Variants in SAGE1 observed in about 807,000 individuals in gnomAD.
The protein encoded by SAGE1 is sarcoma antigen 1.
SAGE1 carries 55 observed loss-of-function variants against 55.4 expected under a neutral mutation model. The observed-to-expected ratio is 0.99, with a 90% CI of 0.80 to 1.24. SAGE1 has a LOEUF of 1.24. Among genes scored for constraint, SAGE1 ranks in the 50% most tolerant of loss-of-function variants. The pLI, the probability that SAGE1 is intolerant of heterozygous loss-of-function variation, is 0.00. For missense variants in SAGE1, 710 were observed against 704.4 expected (o/e 1.01, Z -0.09); for synonymous variants, 240 against 244.3 (o/e 0.98, Z 0.17).
intron 11 of SAGE1, 66 bp from the exon 12 acceptor site, chrX:135,908,411 A>AT (rs1294861081): frequency 9.0e-7 from 1 of 1,113,064 alleles, no homozygotes; most frequent in African/African-American, 1.8e-5. Context: ...CATCAGAGGG[A>AT]TATATACATG....
chrX:135,908,499 C>T lies in SAGE1; in HGVS notation c.1323C>T (p.Val441=). Residue 441 remains valine, a synonymous_variant, in exon 12 of 20, where the codon GTC becomes GTT. Transcript: ENST00000370709. ...RDQYATVNHH[V]HEARMENGQR... is the part of the protein sequence containing the mutation. The stretch of plus-strand genomic sequence containing the variant: ...TAGATGCTACCGTCAATCACCATGT[C>T]CATGAAGCAAGGATGGAAAATGGCC... 2 of 1,206,291 alleles carry T rather than the reference C, an allele frequency of 1.7e-6. No homozygotes were observed. The highest frequency in any genetic ancestry group is 3.6e-5 in the South Asian group (2 of 55,530).
At chrX:135,904,664 G>A in intron 4 of SAGE1, 95 bp downstream of exon 4, 1 of 542,301 alleles carries the variant, frequency 1.8e-6, no homozygotes, top group Non-Finnish European at 3.0e-6. Context: ...CCATAAGCAG[G>A]CATATTTTCA....
intron 7 of SAGE1, 47 bp downstream of exon 7, chrX:135,906,598 A>G (rs782669488): frequency 2.9e-6 from 2 of 698,070 alleles, no homozygotes; most frequent in African/African-American, 2.2e-5. Flanking sequence ...TTCCATATGC[A>G]TGCATAGTGT....
At chrX:135,907,141 G>A in intron 8 of SAGE1, 75 bp downstream of exon 8, 1 of 1,096,407 alleles carries the variant, frequency 9.1e-7, no homozygotes, top group Non-Finnish European at 1.2e-6. Flanking sequence ...GGGAGATGGA[G>A]GTTTTGTTGT....
intron 3 of SAGE1, among the ~76,000 whole-genome samples, chrX:135,903,375 C>T (rs1260953887): frequency 8.9e-6 from 1 of 112,641 alleles, no homozygotes; most frequent in African/African-American, 3.2e-5. Flanking sequence ...CTGCTTGTTT[C>T]ATTTGCTCAT....
chrX:135,901,564 G>T lies in SAGE1; in HGVS notation c.93G>T (p.Met31Ile), dbSNP rs141643764. 5 of 1,205,966 alleles carry T rather than the reference G, an allele frequency of 4.1e-6. No individual in the cohort carries two copies. In the African/African-American group the frequency reaches 8.8e-5, roughly 21 times the overall value. The change falls in exon 3 of 20, where the codon ATG becomes ATT. Residue 31 changes from methionine to isoleucine, a missense_variant. Physicochemically the swap from Met to Ile is conservative, Grantham distance 10. Coordinates refer to ENST00000370709, the MANE Select transcript of SAGE1 (RefSeq NM_001381902.1). ...AYVFTNDGQQ[M>I]RSDEVNLVAT... The stretch of plus-strand genomic sequence containing the variant: ...TGTTCACTGATGTTTTTCAGCAAAT[G>T]AGGAGTGATGAAGTAAATCTGGTTG...
At chrX:135,908,351 G>T in intron 11 of SAGE1, 122 bp downstream of exon 11, 1 of 1,009,355 alleles carries the variant, frequency 9.9e-7, no homozygotes, top group African/African-American at 1.9e-5. Flanking sequence ...GTCTCAGATC[G>T]CTGCCTGGTA....
rs782116354 is a variant in SAGE1, at chrX:135,908,528, G to C, written c.1352G>C (p.Arg451Pro). The C allele has an allele frequency of 1.7e-6, 2 of 1,207,260 alleles. No individual in the cohort carries two copies. The highest frequency in any genetic ancestry group is 3.6e-5 in the South Asian group (2 of 56,123). The part of the protein sequence containing the change: ...VHEARMENGQ[R>P]KQDNVLSNVL... ...GAAGCAAGGATGGAAAATGGCCAACGAAAACAGGATAACGTCTTGTCAAAT... is the reference window on the plus strand; with the variant it reads ...GAAGCAAGGATGGAAAATGGCCAACCAAAACAGGATAACGTCTTGTCAAAT... Residue 451 changes from arginine to proline, a missense_variant, in exon 12 of 20, where the codon CGA (arginine) becomes CCA (proline). Coordinates refer to ENST00000370709, the MANE Select transcript of SAGE1 (RefSeq NM_001381902.1).
chrX:135,904,610 A>AGATCTG (rs782565736), intron 4 of SAGE1, 41 bp downstream of exon 4: 14 of 895,641 alleles, frequency 1.6e-5, no homozygotes, highest in South Asian at 2.1e-5. Flanking sequence ...TGAGTATGAA[A>AGATCTG]TTCATCCATG....
chrX:135,905,442 G>A, intron 5 of SAGE1, 50 bp downstream of exon 5: 1 of 1,110,173 alleles, frequency 9.0e-7, no homozygotes, highest in Non-Finnish European at 1.2e-6. Flanking sequence ...CATAAGCATG[G>A]ATATTTTCAT....
At chrX:135,905,013 G>T (rs2088760062) in intron 4 of SAGE1, among the ~76,000 whole-genome samples, 2 of 111,307 alleles carry the variant, frequency 1.8e-5, no homozygotes, top group Non-Finnish European at 1.9e-5. Flanking sequence ...GTGTGTGTTT[G>T]TTTATTAGTT....
intron 2 of SAGE1, among the ~76,000 whole-genome samples, chrX:135,899,836 T>C (rs1222103339): frequency 2.7e-5 from 3 of 110,736 alleles, no homozygotes; most frequent in East Asian, 5.7e-4. Flanking sequence ...TTTTTGCACA[T>C]GGATTTTGTA....
At chrX:135,900,072 A>C (rs1556595594) in intron 2 of SAGE1, among the ~76,000 whole-genome samples, 1 of 111,041 alleles carries the variant, frequency 9.0e-6, no homozygotes, top group African/African-American at 3.3e-5. Flanking sequence ...GTTTTGTGCC[A>C]GTTTCAAGGG....
At chrX:135,904,711 T>C (rs12014949) in intron 4 of SAGE1, 142 bp downstream of exon 4, 98,069 of 435,385 alleles carry the variant, frequency 0.23, 8,621 homozygotes, top group Non-Finnish European at 0.25. Context: ...ATATTCTTTC[T>C]TAGCCTCAAT....
intron 11 of SAGE1, 72 bp from the exon 12 acceptor site, chrX:135,908,405 A>G: frequency 9.1e-7 from 1 of 1,102,819 alleles, no homozygotes; most frequent in Non-Finnish European, 1.2e-6. Context: ...ACTGAGCATC[A>G]GAGGGATATA....
intron 3 of SAGE1, among the ~76,000 whole-genome samples, chrX:135,903,025 G>C (rs1217336780): frequency 1.7e-4 from 19 of 111,755 alleles, no homozygotes; most frequent in African/African-American, 6.2e-4. Flanking sequence ...TAAGCACTCA[G>C]AACAGACCCT....
chrX:135,898,675 A>T (rs2088624872), intron 2 of SAGE1, among the ~76,000 whole-genome samples: 1 of 111,963 alleles, frequency 8.9e-6, no homozygotes, highest in African/African-American at 3.2e-5. Context: ...ACGTTTTAGT[A>T]ATCGCCATTC....
intron 19 of SAGE1, 90 bp from the exon 20 acceptor site, chrX:135,912,708 G>A (rs2088919961): frequency 8.8e-7 from 1 of 1,134,931 alleles, no homozygotes; most frequent in East Asian, 3.2e-5. Flanking sequence ...GCATGTAGAT[G>A]GTAAATTCTA....
At chrX:135,912,005 T>C in intron 18 of SAGE1, 52 bp downstream of exon 18, 1 of 1,186,295 alleles carries the variant, frequency 8.4e-7, no homozygotes. Flanking sequence ...TGTCTCATTC[T>C]ATGATTTAGA....
Sources: allele counts gnomAD v4.1 joint callset (sites outside exome capture counted in the v4.1 genomes callset), GRCh38; gene constraint gnomAD v4.1.1; transcripts MANE v1.5; gene names NCBI Gene and HGNC (gene_info 2026-07-23, HGNC 2026-07-21).